Variants in CRACD observed in about 807,000 individuals in gnomAD.
CRACD encodes the protein capping protein-inhibiting regulator of actin dynamics.
In CRACD, 56 loss-of-function variants were observed where a neutral mutation model predicts 106.8. That is an observed-to-expected ratio of 0.52 (90% CI 0.42 to 0.66). The LOEUF is 0.66. Ranked by LOEUF, CRACD falls within the 30% of genes least tolerant of loss-of-function variation. The pLI, the probability that CRACD is intolerant of heterozygous loss-of-function variation, is 0.00. For missense variants in CRACD, 1,730 were observed against 1,623.2 expected, an observed-to-expected ratio of 1.07 and a Z score of -1.13; for synonymous variants, 754 against 670.8, an observed-to-expected ratio of 1.12 and a Z score of -1.92.
At chr4:56,057,406 A>G (rs6810857) in intron 1 of CRACD, among the ~76,000 whole-genome samples, 73,520 of 152,126 alleles carry the variant, frequency 0.48, 20,269 homozygotes, top group African/African-American at 0.77. Flanking sequence ...TATATTCACC[A>G]TGCCAGTTGT....
At chr4:56,246,911 T>G (rs556034920) in intron 2 of CRACD, among the ~76,000 whole-genome samples, 7 of 152,308 alleles carry the variant, frequency 4.6e-5, no homozygotes, top group Admixed American at 6.5e-5. Flanking sequence ...CTGGTATTAG[T>G]GCTAGTACTG....
At chr4:56,131,982 TA>T (rs1269006422) in intron 1 of CRACD, among the ~76,000 whole-genome samples, 1 of 152,190 alleles carries the variant, frequency 6.6e-6, no homozygotes, top group Non-Finnish European at 1.5e-5. Context: ...AAAACTTCTG[TA>T]ACATTCAACA....
intron 1 of CRACD, among the ~76,000 whole-genome samples, chr4:56,061,937 C>T (rs1029062591): frequency 7.2e-5 from 11 of 152,208 alleles, no homozygotes; most frequent in African/African-American, 2.4e-4. Flanking sequence ...ATTAGTTCCA[C>T]CAACGTGGTT....
intron 2 of CRACD, among the ~76,000 whole-genome samples, chr4:56,186,521 G>A (rs577433125): frequency 2.4e-4 from 37 of 152,320 alleles, no homozygotes; most frequent in African/African-American, 8.9e-4. Flanking sequence ...ATAGCAGAGA[G>A]ATGGGGATGG....
chr4:56,073,852 C>A (rs1358655984), intron 1 of CRACD, among the ~76,000 whole-genome samples: 3 of 152,144 alleles, frequency 2.0e-5, no homozygotes, highest in Non-Finnish European at 4.4e-5. Flanking sequence ...ATGTTTAAAT[C>A]TTTAATCCAT....
chr4:56,113,932 TCTCAGAA>T (rs1734200722), intron 1 of CRACD, among the ~76,000 whole-genome samples: 1 of 152,138 alleles, frequency 6.6e-6, no homozygotes, highest in African/African-American at 2.4e-5. Context: ...CCACAGTTAA[TCTCAGAA>T]AAGGCAGTCT....
Position 56,315,942 on chromosome 4 carries a change from A to G in CRACD, c.2440A>G (p.Thr814Ala). The change falls in exon 8 of 11, where the codon ACA becomes GCA. Residue 814 changes from threonine to alanine, a missense_variant. By Grantham distance (58) the Thr-to-Ala change is moderately conservative. This residue lies in a region of CRACD where 1,620 missense variants were observed against 1,481.6 expected (regional missense o/e 1.09). Coordinates refer to ENST00000682029, the MANE Select transcript of CRACD (RefSeq NM_001393381.1). This position sits in a 1 kb window ranked among gnomAD's most constrained non-coding sequence, Gnocchi z 4.1. ...CCCTCCGCAGAAAGTGGTGGCCCAC[A>G]CAGAGTTCACGACCTCGTCGGACAG... is the stretch of plus-strand genomic sequence containing the variant. ...PYPPQKVVAH[T>A]EFTTSSDSET... 2 of 1,614,204 alleles carry G rather than the reference A, an allele frequency of 1.2e-6. No homozygotes were observed. The highest frequency in any genetic ancestry group is 1.7e-6 in the Non-Finnish European group (2 of 1,180,044).
At chr4:56,188,265 G>C (rs28472285) in intron 2 of CRACD, among the ~76,000 whole-genome samples, 2 of 151,880 alleles carry the variant, frequency 1.3e-5, no homozygotes, top group Non-Finnish European at 2.9e-5. Flanking sequence ...ATGTTTTACT[G>C]TCATAGAACT....
intron 1 of CRACD, among the ~76,000 whole-genome samples, chr4:56,124,603 T>A (rs1734601226): frequency 6.6e-6 from 1 of 152,220 alleles, no homozygotes; most frequent in African/African-American, 2.4e-5. Flanking sequence ...ATAGATGTCT[T>A]TTTATAGTTG....
chr4:56,148,272 GTT>G (rs55909172), intron 1 of CRACD, among the ~76,000 whole-genome samples: 70,807 of 149,390 alleles, frequency 0.47, 17,067 homozygotes, highest in African/African-American at 0.59. Flanking sequence ...TGCTTTTGTT[GTT>G]TTTTTTTTAA....
intron 2 of CRACD, among the ~76,000 whole-genome samples, chr4:56,266,519 A>G (rs1385092532): frequency 6.6e-6 from 1 of 152,286 alleles, no homozygotes; most frequent in Non-Finnish European, 1.5e-5. Flanking sequence ...GCCATCTTAA[A>G]TAGTACAGTG....
At chr4:56,213,491 A>G (rs1422594340) in intron 2 of CRACD, among the ~76,000 whole-genome samples, 1 of 152,160 alleles carries the variant, frequency 6.6e-6, no homozygotes, top group African/African-American at 2.4e-5. Flanking sequence ...TGAGCAAAGA[A>G]TGAGTCTTGA....
intron 1 of CRACD, among the ~76,000 whole-genome samples, chr4:56,097,824 G>A (rs1012910745): frequency 1.3e-4 from 20 of 152,242 alleles, no homozygotes; most frequent in Middle Eastern, 3.4e-3. Context: ...GATTGCTGTC[G>A]TTAATAATTT....
chr4:56,314,497 G>A lies in CRACD; in HGVS notation c.995G>A (p.Arg332Lys). Residue 332 changes from arginine to lysine, a missense_variant, in exon 8 of 11, where the codon AGG (arginine) becomes AAG (lysine). By Grantham distance (26) the Arg-to-Lys change is conservative (BLOSUM62 2). This residue lies in a region of CRACD where 1,620 missense variants were observed against 1,481.6 expected (regional missense o/e 1.09). Transcript: ENST00000682029. The surrounding 1 kb of genome is among the most constrained non-coding windows in gnomAD (Gnocchi z 4.4). Reference protein sequence around the residue: ...RLQAQAQAEERRRLEEDARLE... With the variant: ...RLQAQAQAEEKRRLEEDARLE... ...CAGGCCCAGGCCCAAGCGGAGGAGAGGCGGCGGCTGGAGGAGGACGCCAGG... is the reference window on the plus strand; with the variant it reads ...CAGGCCCAGGCCCAAGCGGAGGAGAAGCGGCGGCTGGAGGAGGACGCCAGG... The A allele has an allele frequency of 6.6e-6, 10 of 1,519,372 alleles. No individual in the cohort carries two copies. The highest frequency in any genetic ancestry group is 8.8e-6 in the Non-Finnish European group (10 of 1,136,650). 94.1% of individuals were successfully genotyped at this position (1,519,372 alleles called of 1,614,324 possible).
At chr4:56,325,257 C>T (rs1274662378) in intron 10 of CRACD, among the ~76,000 whole-genome samples, 3 of 152,200 alleles carry the variant, frequency 2.0e-5, no homozygotes, top group Admixed American at 6.5e-5. Context: ...ATTGCTTGAG[C>T]CCAGGAAGTG....
intron 1 of CRACD, among the ~76,000 whole-genome samples, chr4:56,164,988 G>T (rs2109908859): frequency 6.6e-6 from 1 of 152,280 alleles, no homozygotes; most frequent in Non-Finnish European, 1.5e-5. Flanking sequence ...AAATCAAGTG[G>T]GAGGAAAGAG....
At chr4:56,110,010 A>G (rs1734067050) in intron 1 of CRACD, among the ~76,000 whole-genome samples, 1 of 152,198 alleles carries the variant, frequency 6.6e-6, no homozygotes, top group Admixed American at 6.5e-5. Context: ...TAATAGATGC[A>G]GAAGGATCTA....
chr4:56,249,649 C>T (rs1740930713), intron 2 of CRACD, among the ~76,000 whole-genome samples: 1 of 152,212 alleles, frequency 6.6e-6, no homozygotes, highest in African/African-American at 2.4e-5. Flanking sequence ...TCCATCTCCA[C>T]AGAGACCCCT....
At chr4:56,109,344 T>TCTAA (rs34221481) in intron 1 of CRACD, among the ~76,000 whole-genome samples, 22,068 of 152,202 alleles carry the variant, frequency 0.14, 1,651 homozygotes, top group East Asian at 0.25. Flanking sequence ...CTATTCTTAT[T>TCTAA]CTATTTTCTT....
Sources: gnomAD v4.1 joint callset for allele counts (sites outside exome capture counted in the v4.1 genomes callset) on GRCh38, gnomAD v4.1.1 for gene constraint, gnomAD v4.1.1 regional missense constraint, Gnocchi (gnomAD v3.1) non-coding constraint, MANE v1.5 for transcripts, NCBI Gene and HGNC (gene_info 2026-07-23, HGNC 2026-07-21) for gene names.